The following NEXMIF variants were observed in gnomAD, a reference collection of about 807,000 sequenced individuals.
NEXMIF encodes XLMR protein related to neurite extension.
In NEXMIF, 8 loss-of-function variants were observed where a neutral mutation model predicts 62.1. The observed-to-expected ratio is 0.13, with a 90% CI of 0.08 to 0.23. The LOEUF is 0.23. NEXMIF is among the 10% of genes least tolerant of loss of function. The pLI, the probability that NEXMIF is intolerant of heterozygous loss-of-function variation, is 1.00. For synonymous variants in NEXMIF, 404 were observed against 416.6 expected, an observed-to-expected ratio of 0.97 and a Z score of 0.37; for missense variants, 976 against 1,113.3, an observed-to-expected ratio of 0.88 and a Z score of 1.75.
chrX:74,743,598 T>C lies in NEXMIF; in HGVS notation c.959A>G (p.Asn320Ser), dbSNP rs762083058. 7 of 1,211,628 alleles carry C rather than the reference T, an allele frequency of 5.8e-6. No homozygotes were observed. The highest frequency in any genetic ancestry group is 7.8e-6 in the Non-Finnish European group (7 of 895,473). The change falls in exon 3 of 4, where the codon AAT becomes AGT. Residue 320 changes from asparagine to serine, a missense_variant. Transcript: ENST00000055682. ...CAAAAGAGTAGTCTTGTCTCGAACATTGTCCTGAAAGGATTCATATCGAAT... is the reference window on the plus strand; with the variant it reads ...CAAAAGAGTAGTCTTGTCTCGAACACTGTCCTGAAAGGATTCATATCGAAT... ...LKIRYESFQD[N>S]VRDKTTLLMQ...
chrX:74,808,143 C>A (rs191714910), intron 1 of NEXMIF, among the ~76,000 whole-genome samples: 10 of 111,346 alleles, frequency 9.0e-5, no homozygotes, highest in Non-Finnish European at 1.1e-4. Flanking sequence ...GTGGCTCATA[C>A]CTGTAATCCC....
Position 74,743,827 on chromosome X carries a change from A to G in NEXMIF, c.730T>C (p.Cys244Arg), listed in dbSNP as rs201913151. 2 of 1,209,683 alleles carry G rather than the reference A, an allele frequency of 1.7e-6. No individual in the cohort carries two copies. Among genetic ancestry groups the G allele is most frequent in the African/African-American group, 1.7e-5 (1 of 57,161 alleles). The change falls in exon 3 of 4, where the codon TGC (cysteine) becomes CGC (arginine). Residue 244 changes from cysteine (C) to arginine (R), a missense_variant. By Grantham distance (180) the Cys-to-Arg change is radical. Transcript: ENST00000055682. ...SYYEALLLDK[C>R]NTEEALLANS... ...GCAAGCAAAGCTTCTTCTGTATTGC[A>G]CTTGTCTAACAGTAATGCCTCATAA...
intron 1 of NEXMIF, among the ~76,000 whole-genome samples, chrX:74,869,098 T>A (rs1204064740): frequency 1.8e-5 from 2 of 111,266 alleles, no homozygotes; most frequent in Non-Finnish European, 3.8e-5. Flanking sequence ...ACTAGCAAAG[T>A]TCAACAAAAC....
intron 1 of NEXMIF, among the ~76,000 whole-genome samples, chrX:74,762,972 T>C (rs1046702864): frequency 2.7e-5 from 3 of 112,108 alleles, no homozygotes; most frequent in African/African-American, 9.7e-5. Context: ...TTAGTTTAAT[T>C]AGATACCATC....
chrX:74,761,581 T>A (rs1194000336), intron 1 of NEXMIF, among the ~76,000 whole-genome samples: 2 of 111,527 alleles, frequency 1.8e-5, no homozygotes, highest in Admixed American at 9.6e-5. Flanking sequence ...TCTTTGTCAT[T>A]TCTCATTGTA....
intron 1 of NEXMIF, among the ~76,000 whole-genome samples, chrX:74,882,599 A>T (rs1002255739): frequency 9.0e-6 from 1 of 111,347 alleles, no homozygotes; most frequent in African/African-American, 3.3e-5. Flanking sequence ...AGGTTGGGGG[A>T]GGGGCGCCCA....
chrX:74,786,882 CCCCT>C (rs2080262023), intron 1 of NEXMIF, among the ~76,000 whole-genome samples: 1 of 111,109 alleles, frequency 9.0e-6, no homozygotes, highest in Non-Finnish European at 1.9e-5. Context: ...CACACACACA[CCCCT>C]ATCACTAGTC....
At chrX:74,813,447 CCAAA>C (rs760539924) in intron 1 of NEXMIF, among the ~76,000 whole-genome samples, 2 of 112,079 alleles carry the variant, frequency 1.8e-5, no homozygotes, top group Non-Finnish European at 3.8e-5. Context: ...ACAGTTGCCA[CCAAA>C]CAGAGCCCAG....
chrX:74,890,840 C>A (rs1308802860), intron 1 of NEXMIF, among the ~76,000 whole-genome samples: 1 of 111,158 alleles, frequency 9.0e-6, no homozygotes, highest in African/African-American at 3.3e-5. Context: ...GGGAGTGGCA[C>A]ACGGGAGGAG....
chrX:74,872,592 G>A, intron 1 of NEXMIF, among the ~76,000 whole-genome samples: 1 of 109,036 alleles, frequency 9.2e-6, no homozygotes, highest in Non-Finnish European at 1.9e-5. Flanking sequence ...TATTGTGACT[G>A]TAGTAAATTA....
intron 1 of NEXMIF, among the ~76,000 whole-genome samples, chrX:74,746,399 A>C (rs1031933963): frequency 7.2e-5 from 8 of 111,864 alleles, no homozygotes; most frequent in Non-Finnish European, 3.8e-5. Context: ...CATAGGACAT[A>C]TATCTATCTG....
In NEXMIF at chrX:74,733,481, A is replaced by G. The variant is rs2080077827; in HGVS notation, c.*5924T>C. ...TCCCTCACCACAGATAGTTTGAGAA[A>G]CACTGCTCTAGATGATAAAGAACGT... On this transcript the variant is annotated 3_prime_UTR_variant, in exon 4 of 4. Transcript: ENST00000055682. The G allele has an allele frequency of 8.9e-6, 1 of 112,268 alleles. No homozygotes were observed. 9.3% of individuals were successfully genotyped at this position (112,268 alleles called of 1,213,427 possible). A position where few individuals can be genotyped will look rare whatever the true frequency, so the allele number is the denominator to read the frequency against.
chrX:74,848,399 C>A (rs768505652), intron 1 of NEXMIF, among the ~76,000 whole-genome samples: 1 of 112,311 alleles, frequency 8.9e-6, no homozygotes, highest in African/African-American at 3.2e-5. Flanking sequence ...TAAATTACAA[C>A]AAAGTCAGTG....
chrX:74,876,022 C>G (rs1467902043), intron 1 of NEXMIF, among the ~76,000 whole-genome samples: 1 of 110,720 alleles, frequency 9.0e-6, no homozygotes, highest in Non-Finnish European at 1.9e-5. Flanking sequence ...TTCATTATTT[C>G]TTGCCTTCTG....
chrX:74,834,947 CT>C (rs777943826), intron 1 of NEXMIF, among the ~76,000 whole-genome samples: 54 of 111,556 alleles, frequency 4.8e-4, no homozygotes, highest in Non-Finnish European at 7.0e-4. Flanking sequence ...TAGATTTGCC[CT>C]GTTGAGGCTG....
At chrX:74,806,915 T>C (rs1402473328) in intron 1 of NEXMIF, among the ~76,000 whole-genome samples, 1 of 113,015 alleles carries the variant, frequency 8.8e-6, no homozygotes, top group Non-Finnish European at 1.9e-5. Context: ...TATTTGTCTG[T>C]TGCCAATTCC....
intron 1 of NEXMIF, among the ~76,000 whole-genome samples, chrX:74,923,967 G>A (rs1338561216): frequency 8.9e-6 from 1 of 112,498 alleles, no homozygotes; most frequent in Non-Finnish European, 1.9e-5. Context: ...TGCTGTTGTC[G>A]AAATGGGGAT....
intron 1 of NEXMIF, among the ~76,000 whole-genome samples, chrX:74,922,337 GGTGT>G (rs3040908): frequency 0.057 from 5,732 of 100,024 alleles, 144 homozygotes; most frequent in South Asian, 0.11. Flanking sequence ...GGGTGTTATG[GGTGT>G]GTGTGTGTGT....
chrX:74,794,225 A>G (rs1394002174), intron 1 of NEXMIF, among the ~76,000 whole-genome samples: 3 of 109,514 alleles, frequency 2.7e-5, no homozygotes, highest in Non-Finnish European at 5.7e-5. Flanking sequence ...GTCTGTTGGA[A>G]TACCCTGCCG....
Sources: allele counts gnomAD v4.1 joint callset (sites outside exome capture counted in the v4.1 genomes callset), GRCh38; gene constraint gnomAD v4.1.1; transcripts MANE v1.5; gene names NCBI Gene and HGNC (gene_info 2026-07-23, HGNC 2026-07-21).